The following KIDINS220 variants were observed in gnomAD, a reference collection of about 807,000 sequenced individuals.
KIDINS220 encodes the protein kinase D-interacting substrate of 220 kDa.
Under a neutral mutation model 157.6 loss-of-function variants are expected in KIDINS220, and 63 were observed. That is an observed-to-expected ratio of 0.40 (90% CI 0.33 to 0.49). KIDINS220 has a LOEUF of 0.49. Ranked by LOEUF, KIDINS220 falls within the 20% of genes least tolerant of loss-of-function variation. The pLI, the probability that KIDINS220 is intolerant of heterozygous loss-of-function variation, is 0.66. For synonymous variants in KIDINS220, 732 were observed against 783.6 expected (o/e 0.93, Z 1.10); for missense variants, 1,772 against 2,171.2 (o/e 0.82, Z 3.65).
chr2:8,757,603 T>G lies in KIDINS220; in HGVS notation c.3012-5959A>C. 2.5e-6 allele frequency: 4 copies of G among 1,584,392 alleles called. No individual in the cohort carries two copies. In the East Asian group the frequency reaches 9.1e-5, roughly 36 times the overall value. ...CTGAAGTTTTGAATATTTGCCATTT[T>G]CAGTCCTTCGAGGCAGATAACCCAA... On this transcript the variant is annotated intron_variant, in intron 22 of 29. Transcript: ENST00000256707.
At chr2:8,790,269 C>T (rs918725238) in intron 13 of KIDINS220, among the ~76,000 whole-genome samples, 1 of 152,136 alleles carries the variant, frequency 6.6e-6, no homozygotes, top group Non-Finnish European at 1.5e-5. Flanking sequence ...AGGCCTGACT[C>T]GCCACCCTCT....
chr2:8,835,182 T>C (rs143296042), intron 1 of KIDINS220, among the ~76,000 whole-genome samples: 2 of 152,306 alleles, frequency 1.3e-5, no homozygotes, highest in Non-Finnish European at 2.9e-5. Flanking sequence ...TCTCTCTCCT[T>C]CATTCTTACA....
chr2:8,790,683 G>A (rs78836542), intron 13 of KIDINS220, among the ~76,000 whole-genome samples: 9,676 of 152,208 alleles, frequency 0.064, 976 homozygotes, highest in African/African-American at 0.21. Context: ...AGGCCACTAA[G>A]GAGCTGCTAA....
intron 6 of KIDINS220, among the ~76,000 whole-genome samples, chr2:8,811,436 G>C (rs1261584573): frequency 6.6e-6 from 1 of 152,184 alleles, no homozygotes; most frequent in African/African-American, 2.4e-5. Flanking sequence ...GGGGCACCTA[G>C]GGTAAGGAGA....
At chr2:8,807,553 A>G (rs901433253) in intron 6 of KIDINS220, among the ~76,000 whole-genome samples, 5 of 152,196 alleles carry the variant, frequency 3.3e-5, no homozygotes, top group African/African-American at 1.2e-4. Flanking sequence ...ATTTCATTTT[A>G]ATTAATGTAA....
rs567285635 is a variant in KIDINS220, at chr2:8,819,383, G to A, written c.109-590C>T. Among the ~76,000 whole-genome samples the A allele has an allele frequency of 8.5e-5, 13 of 152,204 alleles. 1 individual carries two copies. The highest frequency in any genetic ancestry group is 1.6e-4 in the Non-Finnish European group (11 of 68,010). On this transcript the variant is annotated intron_variant, in intron 2 of 29. Transcript: ENST00000256707. ...GAATGAGTCACAGGAGTACAGAGAC[G>A]ATGCTCCCTCAGCCCTGGAGATGAG...
At chr2:8,813,113 A>C in intron 5 of KIDINS220, 124 bp downstream of exon 5, 1 of 585,838 alleles carries the variant, frequency 1.7e-6, no homozygotes, top group Non-Finnish European at 3.0e-6. Context: ...ATCATATTCT[A>C]TGTTACGTTT....
chr2:8,739,011 A>G (rs2147986348), intron 26 of KIDINS220, among the ~76,000 whole-genome samples: 1 of 152,358 alleles, frequency 6.6e-6, no homozygotes, highest in African/African-American at 2.4e-5. Context: ...CAAGTATAAT[A>G]GACACGGATC....
chr2:8,821,671 T>C (rs1473554319), intron 2 of KIDINS220, among the ~76,000 whole-genome samples: 3 of 152,226 alleles, frequency 2.0e-5, no homozygotes, highest in African/African-American at 4.8e-5. Flanking sequence ...AGCTGTTCCA[T>C]GCACTACAAA....
At chr2:8,814,160 A>C (rs1398071570) in intron 4 of KIDINS220, among the ~76,000 whole-genome samples, 3 of 152,218 alleles carry the variant, frequency 2.0e-5, no homozygotes, top group African/African-American at 7.2e-5. Flanking sequence ...AGGCAAAGTC[A>C]TCAGGTATGA....
chr2:8,803,255 T>A, intron 7 of KIDINS220, 128 bp from the exon 8 acceptor site: 1 of 792,802 alleles, frequency 1.3e-6, no homozygotes, highest in East Asian at 2.7e-5. Context: ...TTATTGTCAT[T>A]TCCAATAGTA....
chr2:8,755,575 T>C (rs1422886158), intron 22 of KIDINS220, among the ~76,000 whole-genome samples: 1 of 152,238 alleles, frequency 6.6e-6, no homozygotes, highest in African/African-American at 2.4e-5. Flanking sequence ...AGAATAATTT[T>C]CACCTTAATT....
intron 21 of KIDINS220, among the ~76,000 whole-genome samples, chr2:8,772,334 A>C (rs1209933631): frequency 1.3e-5 from 2 of 151,894 alleles, no homozygotes; most frequent in Non-Finnish European, 2.9e-5. Flanking sequence ...AAATTAGCCG[A>C]GCGTGGTGGC....
At chr2:8,743,626 A>G (rs1454684321) in intron 26 of KIDINS220, among the ~76,000 whole-genome samples, 1 of 152,230 alleles carries the variant, frequency 6.6e-6, no homozygotes, top group African/African-American at 2.4e-5. Context: ...CAGAGCCACC[A>G]GCATGGTGGT....
chr2:8,730,462 G>A lies in KIDINS220; in HGVS notation c.*258C>T, dbSNP rs1047661465. On this transcript the variant is annotated 3_prime_UTR_variant, in exon 30 of 30. Transcript: ENST00000256707. Reference sequence around the variant, plus strand: ...ACCTCGTCTCAAAAAGTTTTATGGGGTAATGCGCCAATGAAAGGTACAGTA... The same window carrying A: ...ACCTCGTCTCAAAAAGTTTTATGGGATAATGCGCCAATGAAAGGTACAGTA... The A allele has an allele frequency of 3.7e-5, 48 of 1,294,362 alleles. No individual in the cohort carries two copies. The highest frequency in any genetic ancestry group is 4.5e-5 in the Non-Finnish European group (46 of 1,025,472). The allele number at this position is 1,294,362 out of a possible 1,614,324, so 80.2% of individuals were successfully genotyped here.
At chr2:8,828,315 C>T (rs1306987262) in intron 1 of KIDINS220, among the ~76,000 whole-genome samples, 1 of 152,182 alleles carries the variant, frequency 6.6e-6, no homozygotes, top group African/African-American at 2.4e-5. Context: ...AAAGTCTCAC[C>T]GGATGTGGGA....
chr2:8,794,046 G>A, intron 11 of KIDINS220, 59 bp from the exon 12 acceptor site: 1 of 1,261,526 alleles, frequency 7.9e-7, no homozygotes, highest in Admixed American at 2.6e-5. Flanking sequence ...TATGCAGACA[G>A]TAACAATTTT....
intron 9 of KIDINS220, among the ~76,000 whole-genome samples, chr2:8,798,927 G>A (rs1039983846): frequency 6.6e-6 from 1 of 152,174 alleles, no homozygotes; most frequent in African/African-American, 2.4e-5. Context: ...GTCCAAGTAG[G>A]TGGCCTAGAA....
chr2:8,762,818 C>T (rs1476213076), intron 22 of KIDINS220, among the ~76,000 whole-genome samples: 1 of 152,048 alleles, frequency 6.6e-6, no homozygotes, highest in Non-Finnish European at 1.5e-5. Context: ...ATATAGTAGA[C>T]ATAGAAATGG....
Sources: gnomAD v4.1 joint callset for allele counts (sites outside exome capture counted in the v4.1 genomes callset) on GRCh38, gnomAD v4.1.1 for gene constraint, MANE v1.5 for transcripts, NCBI Gene and HGNC (gene_info 2026-07-23, HGNC 2026-07-21) for gene names.